The following CRTAC1 variants were observed in gnomAD, a reference collection of about 807,000 sequenced individuals.
CRTAC1 encodes the protein acidic secreted protein in cartilage.
CRTAC1 carries 37 observed loss-of-function variants against 67.8 expected under a neutral mutation model. The ratio of observed to expected loss-of-function variants is 0.55; its 90% CI spans 0.42 to 0.72. The LOEUF is 0.72. CRTAC1 is among the 30% of genes least tolerant of loss of function. The pLI is 0.00. For missense variants in CRTAC1, 780 were observed against 931.6 expected (o/e 0.84, Z 2.12); for synonymous variants, 348 against 371.0 (o/e 0.94, Z 0.71).
chr10:98,023,706 C>A (rs1438471352), intron 1 of CRTAC1, among the ~76,000 whole-genome samples: 2 of 152,184 alleles, frequency 1.3e-5, no homozygotes, highest in African/African-American at 4.8e-5. Context: ...CCACCCAGCT[C>A]CTCTGATTAC....
rs1564876701 is a variant in CRTAC1 at position 97,884,194 on chromosome 10, GC to G, written c.1632+11del. 2 of 1,560,662 alleles carry G rather than the reference GC, an allele frequency of 1.3e-6. No homozygotes were observed. The highest frequency in any genetic ancestry group is 4.8e-5 in the East Asian group (2 of 41,962). ...GCTTTTCTGGCTATGAGGCCCAGAT[GC>G]CTTTGCCCACCTCCAGTGGGGCTGG... On this transcript the variant is annotated intron_variant, in intron 12 of 14. Coordinates refer to ENST00000370597, the MANE Select transcript of CRTAC1 (RefSeq NM_018058.7).
chr10:98,025,125 G>A (rs769030534), intron 1 of CRTAC1, among the ~76,000 whole-genome samples: 4 of 151,968 alleles, frequency 2.6e-5, no homozygotes, highest in Admixed American at 6.6e-5. Context: ...CAGTGCCCTC[G>A]GCTGTGAAAT....
intron 2 of CRTAC1, among the ~76,000 whole-genome samples, chr10:97,948,995 A>G (rs1230457904): frequency 6.6e-6 from 1 of 152,190 alleles, no homozygotes; most frequent in Non-Finnish European, 1.5e-5. Flanking sequence ...CCATGATTCA[A>G]TTCCCTCCCA....
chr10:98,010,737 C>T (rs1163209695), intron 2 of CRTAC1, among the ~76,000 whole-genome samples: 2 of 152,098 alleles, frequency 1.3e-5, no homozygotes, highest in East Asian at 3.9e-4. Context: ...TTGAGCATAC[C>T]CTTCTACCAT....
At chr10:98,007,809 A>G (rs983208275) in intron 2 of CRTAC1, among the ~76,000 whole-genome samples, 16 of 152,254 alleles carry the variant, frequency 1.1e-4, no homozygotes, top group Non-Finnish European at 1.9e-4. Flanking sequence ...CCTTGTAGTC[A>G]GTGCAAATGA....
chr10:97,964,358 G>A (rs1469674371), intron 2 of CRTAC1, among the ~76,000 whole-genome samples: 4 of 152,236 alleles, frequency 2.6e-5, no homozygotes, highest in Non-Finnish European at 5.9e-5. Flanking sequence ...CCACTGTCCT[G>A]CAGTGTGAGT....
chr10:97,882,077 CAGTAGCAAAGGGTTAATG>C (rs2050222328), intron 13 of CRTAC1, among the ~76,000 whole-genome samples: 1 of 152,140 alleles, frequency 6.6e-6, no homozygotes, highest in Admixed American at 6.5e-5. Flanking sequence ...TCCTGTATCT[CAGTAGCAAAGGGTTAATG>C]AGCAGCTGCA....
In CRTAC1 at chr10:97,936,291, G is replaced by A; in HGVS notation, c.300C>T (p.Arg100=). ...CCCGCAGCGCGTAGTAGGGTGAGCT[G>A]CGCTCATCGACCGCGATGTTCACCA... is the stretch of plus-strand genomic sequence containing the variant. The part of the protein sequence containing the change: ...KRLVNIAVDE[R]SSPYYALRDR... The change falls in exon 3 of 15, where the codon CGC becomes CGT. Residue 100 remains arginine, a synonymous_variant. Transcript: ENST00000370597. 1 of 1,614,002 alleles carries A rather than the reference G, an allele frequency of 6.2e-7. No homozygotes were observed.
chr10:97,889,455 G>C (rs1236364076), intron 11 of CRTAC1, among the ~76,000 whole-genome samples: 1 of 140,772 alleles, frequency 7.1e-6, no homozygotes, highest in Admixed American at 7.2e-5. Flanking sequence ...GAACTTGGTG[G>C]GGGGGGGTCC....
At chr10:97,889,876 T>G (rs2050342351) in intron 11 of CRTAC1, among the ~76,000 whole-genome samples, 1 of 152,094 alleles carries the variant, frequency 6.6e-6, no homozygotes. Context: ...TCCTCAGTCA[T>G]GCGGGACCTC....
intron 2 of CRTAC1, among the ~76,000 whole-genome samples, chr10:97,997,924 A>G (rs913047372): frequency 1.3e-5 from 2 of 152,182 alleles, no homozygotes; most frequent in Non-Finnish European, 2.9e-5. Context: ...AAAACCTCAC[A>G]TGTCTGAGTA....
rs1181883331 is a variant in CRTAC1 at position 98,029,470 on chromosome 10, G to T, written c.24+979C>A. 6.8e-6 allele frequency among the ~76,000 whole-genome samples: 1 copy of T among 146,880 alleles called. No homozygotes were observed. Among genetic ancestry groups the T allele is most frequent in the Non-Finnish European group, 1.5e-5 (1 of 65,360 alleles). ...CCTGGGATGTGCAGAAGCCACACTG[G>T]GTGCACCCACCAGCAGCAGCAGCGG... On this transcript the variant is annotated intron_variant, in intron 1 of 14. Transcript: ENST00000370597. This position sits in a 1 kb window ranked among gnomAD's most constrained non-coding sequence, Gnocchi z 4.7.
intron 2 of CRTAC1, among the ~76,000 whole-genome samples, chr10:97,968,330 C>T (rs2051652345): frequency 6.6e-6 from 1 of 152,152 alleles, no homozygotes; most frequent in African/African-American, 2.4e-5. Flanking sequence ...GCAACCTCCA[C>T]CTCCCAGGTT....
At chr10:97,928,964 G>A (rs1360830398) in intron 3 of CRTAC1, among the ~76,000 whole-genome samples, 1 of 152,108 alleles carries the variant, frequency 6.6e-6, no homozygotes, top group Non-Finnish European at 1.5e-5. Context: ...GTGGAGTGAA[G>A]GGTGAATGCG....
intron 2 of CRTAC1, among the ~76,000 whole-genome samples, chr10:97,969,594 C>A (rs1338005588): frequency 6.6e-6 from 1 of 152,142 alleles, no homozygotes; most frequent in Non-Finnish European, 1.5e-5. Flanking sequence ...AGACATTAAC[C>A]ATTGCCTGCT....
At chr10:97,868,428 C>T (rs1297102061) in intron 14 of CRTAC1, 1 of 152,278 alleles carries the variant, frequency 6.6e-6, no homozygotes, top group Non-Finnish European at 1.5e-5. Context: ...CTGCCTGAGG[C>T]TGCAGGGAGG....
chr10:98,005,472 T>G (rs1842772794), intron 2 of CRTAC1, among the ~76,000 whole-genome samples: 2 of 151,848 alleles, frequency 1.3e-5, no homozygotes, highest in Non-Finnish European at 2.9e-5. Flanking sequence ...TTTAAGATAA[T>G]ATCAAAACTG....
intron 2 of CRTAC1, among the ~76,000 whole-genome samples, chr10:97,982,429 T>G (rs142393094): frequency 6.6e-6 from 1 of 152,370 alleles, no homozygotes; most frequent in African/African-American, 2.4e-5. Context: ...AAATCTCTGC[T>G]GACTCTGAGG....
At chr10:97,949,860 T>C (rs554431495) in intron 2 of CRTAC1, among the ~76,000 whole-genome samples, 1 of 152,344 alleles carries the variant, frequency 6.6e-6, no homozygotes, top group East Asian at 1.9e-4. Flanking sequence ...TAGGATAATA[T>C]CTATAAAGCA....
Sources: allele counts gnomAD v4.1 joint callset (sites outside exome capture counted in the v4.1 genomes callset), GRCh38; gene constraint gnomAD v4.1.1; non-coding constraint Gnocchi (gnomAD v3.1); transcripts MANE v1.5; gene names NCBI Gene and HGNC (gene_info 2026-07-23, HGNC 2026-07-21).